Variants in KCNIP4 observed in about 807,000 individuals in gnomAD.
The protein encoded by KCNIP4 is Kv channel-interacting protein 4.
Under a neutral mutation model 34.0 loss-of-function variants are expected in KCNIP4, and 12 were observed. The observed-to-expected ratio is 0.35, with a 90% CI of 0.23 to 0.57. The LOEUF (loss-of-function observed/expected upper bound fraction) is 0.57. KCNIP4 is among the 20% of genes least tolerant of loss of function. The pLI, the probability that KCNIP4 is intolerant of heterozygous loss-of-function variation, is 0.83. For synonymous variants in KCNIP4, 124 were observed against 102.2 expected (o/e 1.21, Z -1.29); for missense variants, 238 against 311.7 (o/e 0.76, Z 1.78).
intron 1 of KCNIP4, among the ~76,000 whole-genome samples, chr4:21,247,278 G>C (rs1425334): frequency 0.23 from 34,756 of 151,824 alleles, 6,342 homozygotes; most frequent in African/African-American, 0.5. Context: ...ATTTCTCATT[G>C]CTTCTGTTAG....
intron 1 of KCNIP4, among the ~76,000 whole-genome samples, chr4:20,996,776 A>G (rs1456523728): frequency 6.6e-6 from 1 of 151,888 alleles, no homozygotes; most frequent in Non-Finnish European, 1.5e-5. Flanking sequence ...TTTTTTTTAA[A>G]TGCCTCTTAG....
chr4:20,891,033 C>G (rs1056906978), intron 1 of KCNIP4, among the ~76,000 whole-genome samples: 11 of 152,184 alleles, frequency 7.2e-5, no homozygotes, highest in African/African-American at 2.7e-4. Flanking sequence ...CAAGTACTGA[C>G]AGTGGCAATG....
intron 1 of KCNIP4, among the ~76,000 whole-genome samples, chr4:21,322,960 T>C (rs1289624004): frequency 1.3e-5 from 2 of 151,988 alleles, no homozygotes; most frequent in Non-Finnish European, 2.9e-5. Context: ...GTTCAATTAA[T>C]ATGTGCATAA....
At chr4:21,068,563 A>C (rs888252272) in intron 1 of KCNIP4, among the ~76,000 whole-genome samples, 3 of 152,090 alleles carry the variant, frequency 2.0e-5, no homozygotes, top group Non-Finnish European at 4.4e-5. Context: ...GGGTGTGTGC[A>C]CTGATTGTCT....
At chr4:21,262,975 G>T (rs987418569) in intron 1 of KCNIP4, among the ~76,000 whole-genome samples, 2 of 152,152 alleles carry the variant, frequency 1.3e-5, no homozygotes, top group Non-Finnish European at 2.9e-5. Flanking sequence ...ATTTTTAAGA[G>T]TGAATGAATA....
chr4:21,243,374 A>AAATTTAT (rs561510605), intron 1 of KCNIP4, among the ~76,000 whole-genome samples: 1 of 152,224 alleles, frequency 6.6e-6, no homozygotes, highest in Non-Finnish European at 1.5e-5. Flanking sequence ...ATGATGAAAC[A>AAATTTAT]AATTTATATT....
chr4:21,365,478 A>AAAAT (rs3048729), intron 1 of KCNIP4, among the ~76,000 whole-genome samples: 7,519 of 131,930 alleles, frequency 0.057, 321 homozygotes, highest in East Asian at 0.18. Context: ...ACTGTCTCAA[A>AAAAT]AAATAAATAA....
chr4:20,974,428 A>G (rs531262164), intron 1 of KCNIP4, among the ~76,000 whole-genome samples: 1 of 150,338 alleles, frequency 6.7e-6, no homozygotes, highest in South Asian at 2.1e-4. Context: ...GTTTCACTTA[A>G]AGCTGAAATG....
chr4:21,793,962 G>T (rs1253315126), intron 1 of KCNIP4, among the ~76,000 whole-genome samples: 1 of 152,124 alleles, frequency 6.6e-6, no homozygotes, highest in African/African-American at 2.4e-5. Context: ...CCATAAAAAA[G>T]GATGAATTCA....
chr4:21,790,283 C>T (rs1303449312), intron 1 of KCNIP4, among the ~76,000 whole-genome samples: 1 of 152,188 alleles, frequency 6.6e-6, no homozygotes, highest in Non-Finnish European at 1.5e-5. Flanking sequence ...GTGTTCAATC[C>T]TTAAAACAAT....
chr4:21,125,978 C>A (rs1038961262), intron 1 of KCNIP4, among the ~76,000 whole-genome samples: 1 of 151,954 alleles, frequency 6.6e-6, no homozygotes, highest in African/African-American at 2.4e-5. Flanking sequence ...TTAATTTGAA[C>A]AATTTCTTTT....
At chr4:20,814,309 TTCACCCAAAGGCCCTC>T (rs1333884762) in intron 3 of KCNIP4, among the ~76,000 whole-genome samples, 1 of 152,174 alleles carries the variant, frequency 6.6e-6, no homozygotes, top group Non-Finnish European at 1.5e-5. Context: ...GAATCGCTGT[TTCACCCAAAGGCCCTC>T]TCATTTCCTT....
intron 1 of KCNIP4, among the ~76,000 whole-genome samples, chr4:21,716,154 TCAGA>T (rs144304003): frequency 0.023 from 3,495 of 152,288 alleles, 110 homozygotes; most frequent in African/African-American, 0.08. Flanking sequence ...GCTTTGATGG[TCAGA>T]CAGTTGTCTA....
Position 20,983,960 on chromosome 4 carries a change from C to A in KCNIP4, c.62-101251G>T, listed in dbSNP as rs190080017. On this transcript the variant is annotated intron_variant, in intron 1 of 8. Transcript: ENST00000382152. ...TGGCAGAGCATCCCAGCCTCCAGAC[C>A]CCTTTGGAGTGGAGGGAGTTAATTA... The A allele has an allele frequency of 7.8e-6, 12 of 1,533,622 alleles. No homozygotes were observed. In the African/African-American group the frequency reaches 1.4e-4, roughly 18 times the overall value.
At chr4:20,934,192 A>G (rs1577390857) in intron 1 of KCNIP4, among the ~76,000 whole-genome samples, 1 of 152,258 alleles carries the variant, frequency 6.6e-6, no homozygotes, top group Middle Eastern at 3.4e-3. Flanking sequence ...CTTGTCCTCC[A>G]ACTTCCTCCT....
chr4:21,714,254 A>G (rs1467500876), intron 1 of KCNIP4, among the ~76,000 whole-genome samples: 1 of 152,128 alleles, frequency 6.6e-6, no homozygotes, highest in Non-Finnish European at 1.5e-5. Context: ...GTTCTCCCTC[A>G]TAGCAGCTAG....
chr4:21,763,236 G>A (rs570907285), intron 1 of KCNIP4, among the ~76,000 whole-genome samples: 5 of 152,142 alleles, frequency 3.3e-5, no homozygotes, highest in African/African-American at 1.2e-4. Flanking sequence ...CAAAGCCCAC[G>A]GCTGTGCATT....
chr4:21,379,654 C>T (rs1454617422), intron 1 of KCNIP4, among the ~76,000 whole-genome samples: 1 of 152,134 alleles, frequency 6.6e-6, no homozygotes, highest in African/African-American at 2.4e-5. Context: ...CTTCATAGAA[C>T]CCTAGCACAT....
chr4:20,861,970 G>GTTATTATTATTA (rs57269885), intron 2 of KCNIP4, among the ~76,000 whole-genome samples: 2,399 of 142,074 alleles, frequency 0.017, 23 homozygotes, highest in Admixed American at 0.029. Context: ...TATGGTAGGA[G>GTTATTATTATTA]TTATTATTAT....
Sources: gnomAD v4.1 joint callset for allele counts (sites outside exome capture counted in the v4.1 genomes callset) on GRCh38, gnomAD v4.1.1 for gene constraint, MANE v1.5 for transcripts, NCBI Gene and HGNC (gene_info 2026-07-23, HGNC 2026-07-21) for gene names.